Variants in SPOCK1 observed in about 807,000 individuals in gnomAD.
SPOCK1 encodes the protein SPARC (osteonectin), cwcv and kazal like domains proteoglycan 1, also known as testican-1.
A neutral mutation model predicts 55.3 loss-of-function variants in SPOCK1; 23 were observed. The observed-to-expected ratio is 0.42, with a 90% CI of 0.30 to 0.59. The LOEUF is 0.59. SPOCK1 is among the 20% of genes least tolerant of loss of function. The pLI, the probability that SPOCK1 is intolerant of heterozygous loss-of-function variation, is 0.22. For synonymous variants in SPOCK1, 226 were observed against 221.0 expected (o/e 1.02, Z -0.20); for missense variants, 499 against 552.5 (o/e 0.90, Z 0.97).
chr5:137,343,837 C>G (rs951999893), intron 2 of SPOCK1, among the ~76,000 whole-genome samples: 4 of 152,136 alleles, frequency 2.6e-5, no homozygotes, highest in Non-Finnish European at 5.9e-5. Context: ...TGACATTCCC[C>G]CAGTTAACTG....
intron 5 of SPOCK1, among the ~76,000 whole-genome samples, chr5:137,108,747 C>T (rs527916801): frequency 1.3e-5 from 2 of 152,286 alleles, no homozygotes; most frequent in Admixed American, 1.3e-4. Flanking sequence ...AAAGGAATAT[C>T]AGGATGCTGT....
chr5:137,098,254 A>G (rs1753192369), intron 5 of SPOCK1, among the ~76,000 whole-genome samples: 1 of 152,266 alleles, frequency 6.6e-6, no homozygotes, highest in Non-Finnish European at 1.5e-5. Flanking sequence ...TAACAAGCCA[A>G]GGACAAGCTC....
At chr5:137,171,081 G>A (rs1201838202) in intron 3 of SPOCK1, among the ~76,000 whole-genome samples, 2 of 152,114 alleles carry the variant, frequency 1.3e-5, no homozygotes, top group Non-Finnish European at 2.9e-5. Flanking sequence ...GGAGTGAACG[G>A]GAAGAGCCTC....
chr5:137,349,634 A>G (rs1305605321), intron 2 of SPOCK1, among the ~76,000 whole-genome samples: 1 of 152,214 alleles, frequency 6.6e-6, no homozygotes, highest in African/African-American at 2.4e-5. Flanking sequence ...TGAGGCCAGG[A>G]GGGAGAATCT....
chr5:137,132,380 A>G (rs1234776654), intron 4 of SPOCK1, among the ~76,000 whole-genome samples: 1 of 152,066 alleles, frequency 6.6e-6, no homozygotes, highest in African/African-American at 2.4e-5. Flanking sequence ...GTAATTATCT[A>G]TTCAAAATAG....
intron 3 of SPOCK1, among the ~76,000 whole-genome samples, chr5:137,160,774 G>A (rs1029888032): frequency 7.2e-6 from 1 of 139,306 alleles, no homozygotes; most frequent in African/African-American, 2.7e-5. Flanking sequence ...CTGCTGGTGG[G>A]AATGTAAACT....
intron 6 of SPOCK1, among the ~76,000 whole-genome samples, chr5:137,057,438 A>G (rs1752321377): frequency 6.6e-6 from 1 of 152,200 alleles, no homozygotes; most frequent in Admixed American, 6.5e-5. Flanking sequence ...TTTATCTGGC[A>G]TCATTATATA....
chr5:137,487,216 GGAATA>G (rs1374069860), intron 2 of SPOCK1, among the ~76,000 whole-genome samples: 1 of 151,830 alleles, frequency 6.6e-6, no homozygotes, highest in Non-Finnish European at 1.5e-5. Flanking sequence ...TTGTTCAGTG[GGAATA>G]GAATGACTTC....
At chr5:136,988,327 G>A in intron 8 of SPOCK1, 95 bp downstream of exon 8, 1 of 902,562 alleles carries the variant, frequency 1.1e-6, no homozygotes, top group Non-Finnish European at 1.7e-6. Context: ...TTCTCTGGCT[G>A]TGGCTCTCTG....
intron 2 of SPOCK1, among the ~76,000 whole-genome samples, chr5:137,464,171 C>G (rs185439344): frequency 6.6e-5 from 10 of 151,966 alleles, no homozygotes; most frequent in Admixed American, 5.9e-4. Flanking sequence ...TATGATGGTG[C>G]AGGCCCGTAG....
intron 3 of SPOCK1, among the ~76,000 whole-genome samples, chr5:137,224,193 AG>A (rs1450395234): frequency 6.6e-6 from 1 of 152,228 alleles, no homozygotes; most frequent in Non-Finnish European, 1.5e-5. Flanking sequence ...TAACAAGAAA[AG>A]CTCTCAGCTT....
intron 3 of SPOCK1, among the ~76,000 whole-genome samples, chr5:137,258,408 C>T (rs549782247): frequency 5.3e-5 from 8 of 152,374 alleles, no homozygotes; most frequent in Non-Finnish European, 8.8e-5. Context: ...ACCCCCATCT[C>T]AGGCCTGAAA....
chr5:137,463,954 T>TA (rs550982895), intron 2 of SPOCK1, among the ~76,000 whole-genome samples: 7 of 151,200 alleles, frequency 4.6e-5, no homozygotes, highest in Non-Finnish European at 8.9e-5. Flanking sequence ...TCTCAAAAAA[T>TA]AAAAAAATAA....
chr5:137,124,376 C>T (rs1333031607), intron 4 of SPOCK1, among the ~76,000 whole-genome samples: 28 of 152,142 alleles, frequency 1.8e-4, no homozygotes, highest in Admixed American at 1.8e-3. Flanking sequence ...TGCTGCCTCC[C>T]CAGGCTTATT....
intron 7 of SPOCK1, among the ~76,000 whole-genome samples, chr5:136,990,545 C>A (rs1750929036): frequency 6.6e-6 from 1 of 151,146 alleles, no homozygotes; most frequent in Non-Finnish European, 1.5e-5. Context: ...TTAAAATACC[C>A]ACCCCCCTCT....
intron 2 of SPOCK1, among the ~76,000 whole-genome samples, chr5:137,439,868 A>G (rs1167700360): frequency 6.6e-6 from 1 of 152,216 alleles, no homozygotes; most frequent in Non-Finnish European, 1.5e-5. Context: ...CTGATTCTTA[A>G]TCAAACAGCC....
intron 8 of SPOCK1, among the ~76,000 whole-genome samples, chr5:136,986,479 A>G (rs762104002): frequency 3.9e-5 from 6 of 152,188 alleles, no homozygotes; most frequent in Non-Finnish European, 8.8e-5. Context: ...TTATCTTAAC[A>G]TTGATTTTAG....
chr5:137,081,246 A>T (rs1337422603), intron 5 of SPOCK1, among the ~76,000 whole-genome samples: 1 of 152,190 alleles, frequency 6.6e-6, no homozygotes, highest in Non-Finnish European at 1.5e-5. Flanking sequence ...CTGCATAAAA[A>T]CACCTCTCCT....
chr5:137,194,510 C>A (rs1042671184), intron 3 of SPOCK1, among the ~76,000 whole-genome samples: 50 of 152,082 alleles, frequency 3.3e-4, no homozygotes, highest in Non-Finnish European at 6.3e-4. Flanking sequence ...GGGGGCCAGG[C>A]AAGAGCACTG....
Sources: allele counts gnomAD v4.1 joint callset (sites outside exome capture counted in the v4.1 genomes callset), GRCh38; gene constraint gnomAD v4.1.1; transcripts MANE v1.5; gene names NCBI Gene and HGNC (gene_info 2026-07-23, HGNC 2026-07-21).